STK32A: variants seen among roughly 807,000 people sequenced by gnomAD.
The protein encoded by STK32A is serine/threonine kinase 32A.
Under a neutral mutation model 53.2 loss-of-function variants are expected in STK32A, and 41 were observed. The ratio of observed to expected loss-of-function variants is 0.77; its 90% CI spans 0.60 to 1.00. STK32A has a LOEUF of 1.00. STK32A is among the 50% of genes least tolerant of loss of function. The pLI, the probability that STK32A is intolerant of heterozygous loss-of-function variation, is 0.00. For synonymous variants in STK32A, 166 were observed against 162.8 expected (o/e 1.02, Z -0.15); for missense variants, 458 against 485.8 (o/e 0.94, Z 0.54).
At chr5:147,338,693 A>G (rs1486934245) in intron 5 of STK32A, among the ~76,000 whole-genome samples, 3 of 152,212 alleles carry the variant, frequency 2.0e-5, no homozygotes, top group African/African-American at 4.8e-5. Flanking sequence ...TGTGGAGATA[A>G]GGAACTTACC....
At chr5:147,324,844 A>G (rs1172174719) in intron 5 of STK32A, among the ~76,000 whole-genome samples, 1 of 152,170 alleles carries the variant, frequency 6.6e-6, no homozygotes, top group Non-Finnish European at 1.5e-5. Flanking sequence ...AACATCTACT[A>G]ATCAACATCA....
chr5:147,398,118 C>T, the STK32A span, among the ~76,000 whole-genome samples: 2 of 152,192 alleles, frequency 1.3e-5, no homozygotes, highest in South Asian at 2.1e-4. Flanking sequence ...CAAAGAGAAG[C>T]TGGATAACTA....
chr5:147,260,117 CCT>C (rs200804239), intron 2 of STK32A, among the ~76,000 whole-genome samples: 4,810 of 124,478 alleles, frequency 0.039, 149 homozygotes, highest in Middle Eastern at 0.076. Context: ...CCTCTCTGTC[CCT>C]CTCTCTCTCT....
the STK32A span, chr5:147,401,810 G>A: frequency 7.5e-5 from 98 of 1,307,886 alleles, no homozygotes; most frequent in Non-Finnish European, 9.8e-5. Context: ...GAGTCAGACT[G>A]ACCTGGGTTC....
At chr5:147,258,323 A>G (rs1182711149) in intron 2 of STK32A, among the ~76,000 whole-genome samples, 4 of 151,966 alleles carry the variant, frequency 2.6e-5, no homozygotes, top group Non-Finnish European at 5.9e-5. Context: ...ACTTGCTTAA[A>G]CCTTTAAAAC....
At chr5:147,335,147 C>G (rs911812988) in intron 5 of STK32A, among the ~76,000 whole-genome samples, 3 of 152,114 alleles carry the variant, frequency 2.0e-5, no homozygotes, top group African/African-American at 7.2e-5. Flanking sequence ...AAAAGGAAAA[C>G]TGCAGATAAG....
intron 5 of STK32A, among the ~76,000 whole-genome samples, chr5:147,328,058 G>C (rs2151980078): frequency 6.6e-6 from 1 of 152,330 alleles, no homozygotes; most frequent in East Asian, 1.9e-4. Context: ...AAGCTAAATT[G>C]TGTAAGAAAG....
chr5:147,308,652 AT>A (rs1753541833), intron 4 of STK32A, among the ~76,000 whole-genome samples: 1 of 151,616 alleles, frequency 6.6e-6, no homozygotes, highest in African/African-American at 2.4e-5. Flanking sequence ...AGTTTATAAA[AT>A]ATTTGCTGTA....
At chr5:147,314,797 T>C (rs1320834953) in intron 4 of STK32A, among the ~76,000 whole-genome samples, 1 of 150,268 alleles carries the variant, frequency 6.7e-6, no homozygotes, top group Non-Finnish European at 1.5e-5. Context: ...GAGTGCAGTG[T>C]GTGTGATCAT....
rs763435802 is a variant in STK32A at position 147,239,593 on chromosome 5, G to A, written c.-42G>A. 56 of 1,526,364 alleles carry A rather than the reference G, an allele frequency of 3.7e-5. No homozygotes were observed. Among genetic ancestry groups the A allele is most frequent in the South Asian group, 1.1e-4 (9 of 84,388 alleles). The allele number at this position is 1,526,364 out of a possible 1,614,324, so 94.6% of individuals were successfully genotyped here. On this transcript the variant is annotated 5_prime_UTR_variant, in exon 2 of 13. Coordinates refer to ENST00000397936, the MANE Select transcript of STK32A (RefSeq NM_001112724.2). ...TGAGCGAAGATGGGTGTTTCTGCCCGGATAGTATAAATCGAGGATCCAGGT... is the reference window on the plus strand; with the variant it reads ...TGAGCGAAGATGGGTGTTTCTGCCCAGATAGTATAAATCGAGGATCCAGGT...
intron 4 of STK32A, among the ~76,000 whole-genome samples, chr5:147,300,577 G>A (rs1753083102): frequency 6.6e-6 from 1 of 152,200 alleles, no homozygotes; most frequent in Non-Finnish European, 1.5e-5. Context: ...ATGAATGTGT[G>A]TTAGTGTTAG....
rs1219426635 is a variant in STK32A at position 147,370,703 on chromosome 5, C to T, written c.710C>T (p.Thr237Met). ...ACTTCCAGCAAGGAAATTGTACACA[C>T]GTTTGAGACGACTGTTGTAACTTAC... is the stretch of plus-strand genomic sequence containing the variant. ...SSTSSKEIVH[T>M]FETTVVTYPS... is the part of the protein sequence containing the mutation. Residue 237 changes from threonine to methionine, a missense_variant, in exon 9 of 13, where the codon ACG becomes ATG. Transcript: ENST00000397936. 1.1e-5 allele frequency: 18 copies of T among 1,612,434 alleles called. No individual in the cohort carries two copies. The highest frequency in any genetic ancestry group is 4.0e-5 in the African/African-American group (3 of 74,832).
At chr5:147,318,048 T>C (rs1289541224) in intron 4 of STK32A, among the ~76,000 whole-genome samples, 1 of 152,156 alleles carries the variant, frequency 6.6e-6, no homozygotes, top group South Asian at 2.1e-4. Flanking sequence ...CTATCTTATT[T>C]TCAAAAAAAA....
intron 8 of STK32A, among the ~76,000 whole-genome samples, chr5:147,367,612 C>CG (rs1756820253): frequency 6.6e-6 from 1 of 151,804 alleles, no homozygotes. Context: ...AGGTGCTCAG[C>CG]GGGGGACGTT....
At chr5:147,356,578 C>A (rs1259676448) in intron 7 of STK32A, among the ~76,000 whole-genome samples, 2 of 152,146 alleles carry the variant, frequency 1.3e-5, no homozygotes, top group Admixed American at 1.3e-4. Flanking sequence ...ATAAACATGC[C>A]TCTGCTAAAA....
At chr5:147,263,965 A>T (rs1171997447) in intron 2 of STK32A, among the ~76,000 whole-genome samples, 2 of 152,184 alleles carry the variant, frequency 1.3e-5, no homozygotes, top group African/African-American at 4.8e-5. Flanking sequence ...CATCAAAAGA[A>T]TCAGGCATCA....
At chr5:147,307,083 C>T (rs548659320) in intron 4 of STK32A, among the ~76,000 whole-genome samples, 2 of 151,848 alleles carry the variant, frequency 1.3e-5, no homozygotes, top group South Asian at 2.1e-4. Context: ...AATATAGCGA[C>T]CATAATATAC....
chr5:147,356,534 A>T (rs1756256990), intron 7 of STK32A, among the ~76,000 whole-genome samples: 1 of 152,142 alleles, frequency 6.6e-6, no homozygotes, highest in South Asian at 2.1e-4. Context: ...CCTAACTCTT[A>T]ACATGCTGCA....
intron 8 of STK32A, among the ~76,000 whole-genome samples, chr5:147,369,652 C>A (rs1756920707): frequency 6.6e-6 from 1 of 152,124 alleles, no homozygotes; most frequent in Non-Finnish European, 1.5e-5. Context: ...CAGGGAAAAA[C>A]TTAAACCCTT....
Sources: allele counts gnomAD v4.1 joint callset (sites outside exome capture counted in the v4.1 genomes callset), GRCh38; gene constraint gnomAD v4.1.1; transcripts MANE v1.5; gene names NCBI Gene and HGNC (gene_info 2026-07-23, HGNC 2026-07-21).